SPECC1L: variants seen among roughly 807,000 people sequenced by gnomAD.
SPECC1L encodes the protein sperm antigen with calponin homology and coiled-coil domains 1 like.
SPECC1L carries 40 observed loss-of-function variants against 116.8 expected under a neutral mutation model. That is an observed-to-expected ratio of 0.34 (90% CI 0.27 to 0.45). SPECC1L has a LOEUF of 0.45. Ranked by LOEUF, SPECC1L falls within the 20% of genes least tolerant of loss-of-function variation. The pLI, the probability that SPECC1L is intolerant of heterozygous loss-of-function variation, is 1.00. For missense variants in SPECC1L, 1,110 were observed against 1,373.6 expected (o/e 0.81, Z 3.03); for synonymous variants, 504 against 500.6 (o/e 1.01, Z -0.09).
intron 3 of SPECC1L, among the ~76,000 whole-genome samples, chr22:24,307,750 G>A (rs999092815): frequency 6.6e-6 from 1 of 151,482 alleles, no homozygotes; most frequent in Non-Finnish European, 1.5e-5. Flanking sequence ...TGTTGCCCAG[G>A]CTTGTCTCAA....
At chr22:24,409,141 A>C (rs934298187) in intron 14 of SPECC1L, among the ~76,000 whole-genome samples, 1 of 152,260 alleles carries the variant, frequency 6.6e-6, no homozygotes, top group Admixed American at 6.5e-5. Context: ...GTACAGATAT[A>C]GTTAATAATA....
chr22:24,341,939 G>A (rs1158627488), intron 10 of SPECC1L, among the ~76,000 whole-genome samples: 2 of 152,150 alleles, frequency 1.3e-5, no homozygotes, highest in Admixed American at 6.5e-5. Flanking sequence ...TTCGATCCTC[G>A]AGATAACTGC....
intron 14 of SPECC1L, among the ~76,000 whole-genome samples, chr22:24,375,221 A>T (rs2041949054): frequency 6.6e-6 from 1 of 152,208 alleles, no homozygotes; most frequent in African/African-American, 2.4e-5. Flanking sequence ...GGACCAGATT[A>T]CTTTACTGGT....
intron 14 of SPECC1L, among the ~76,000 whole-genome samples, chr22:24,386,946 G>C (rs563205063): frequency 1.3e-5 from 2 of 152,094 alleles, no homozygotes; most frequent in Non-Finnish European, 2.9e-5. Context: ...ATAAATTATA[G>C]CCAGGCTTTG....
intron 11 of SPECC1L, among the ~76,000 whole-genome samples, chr22:24,350,982 T>A (rs1308415269): frequency 6.6e-6 from 1 of 152,192 alleles, no homozygotes; most frequent in Non-Finnish European, 1.5e-5. Context: ...CGCTCCATGT[T>A]CCAGGTGGCC....
At chr22:24,315,186 A>G (rs1437953549) in intron 4 of SPECC1L, among the ~76,000 whole-genome samples, 1 of 152,200 alleles carries the variant, frequency 6.6e-6, no homozygotes, top group Non-Finnish European at 1.5e-5. Flanking sequence ...AGGATTACCT[A>G]CTGTCTTCAT....
Position 24,386,985 on chromosome 22 carries a change from A to G in SPECC1L, c.3087+17665A>G, listed in dbSNP as rs113226461. On this transcript the variant is annotated intron_variant, in intron 14 of 16. Coordinates refer to ENST00000314328, the MANE Select transcript of SPECC1L (RefSeq NM_015330.6). ...TGTCTGCAGCAGATTAGACACAGAAAGCCTGATTTAAAAAGCTGATAACAC... is the reference window on the plus strand; with the variant it reads ...TGTCTGCAGCAGATTAGACACAGAAGGCCTGATTTAAAAAGCTGATAACAC... 8.8e-3 allele frequency among the ~76,000 whole-genome samples: 1,339 copies of G among 152,310 alleles called. 20 individuals carry two copies. The highest frequency in any genetic ancestry group is 0.031 in the African/African-American group (1,276 of 41,576).
chr22:24,305,018 G>A (rs2049462979), intron 3 of SPECC1L, among the ~76,000 whole-genome samples: 1 of 152,188 alleles, frequency 6.6e-6, no homozygotes, highest in Non-Finnish European at 1.5e-5. Flanking sequence ...ACTTACTGAT[G>A]GGGGGTGTTT....
intron 6 of SPECC1L, among the ~76,000 whole-genome samples, chr22:24,327,716 G>A (rs141046113): frequency 3.0e-3 from 459 of 152,038 alleles, no homozygotes; most frequent in Admixed American, 6.0e-3. Flanking sequence ...CCATTAGCTG[G>A]CACATTTATA....
chr22:24,414,861 T>C lies in SPECC1L; in HGVS notation c.*238T>C. 1.8e-6 allele frequency: 1 copy of C among 557,834 alleles called. No individual in the cohort carries two copies. The allele number at this position is 557,834 out of a possible 1,614,324, so 34.6% of individuals were successfully genotyped here. ...TCAGGTCATGTGGGCTCAGCACACATCCTGCAGGCCGGTGGCTGCTGGAGT... is the reference window on the plus strand; with the variant it reads ...TCAGGTCATGTGGGCTCAGCACACACCCTGCAGGCCGGTGGCTGCTGGAGT... On this transcript the variant is annotated 3_prime_UTR_variant, in exon 17 of 17. Transcript: ENST00000314328.
At chr22:24,318,417 A>G (rs1201908775) in intron 4 of SPECC1L, among the ~76,000 whole-genome samples, 1 of 152,176 alleles carries the variant, frequency 6.6e-6, no homozygotes, top group East Asian at 1.9e-4. Flanking sequence ...GGCACTCGGC[A>G]GGCTGAGGCA....
intron 3 of SPECC1L, 60 bp from the exon 4 acceptor site, chr22:24,313,253 C>T: frequency 6.3e-7 from 1 of 1,582,390 alleles, no homozygotes; most frequent in Non-Finnish European, 8.7e-7. Context: ...TTTGTTGAGT[C>T]TCAAAATATC....
Position 24,270,845 on chromosome 22 carries a change from C to A in SPECC1L, c.-280C>A, listed in dbSNP as rs994156457. 3.1e-4 allele frequency: 47 copies of A among 152,426 alleles called. 2 individuals are homozygous for A. The highest frequency in any genetic ancestry group is 7.2e-5 in the African/African-American group (3 of 41,464). 9.4% of individuals were successfully genotyped at this position (152,426 alleles called of 1,614,324 possible). On this transcript the variant is annotated 5_prime_UTR_variant, in exon 1 of 17. Transcript: ENST00000314328. ...CCAAGGGCGGGGCCCGCGAGGGAGG[C>A]CGGGCGGCCCGGCAAGCGGCGCTGC...
intron 2 of SPECC1L, among the ~76,000 whole-genome samples, chr22:24,286,332 A>G (rs181272523): frequency 6.6e-5 from 10 of 152,324 alleles, no homozygotes; most frequent in Admixed American, 6.5e-4. Flanking sequence ...GAAACATCAT[A>G]GTTATTTTAC....
chr22:24,277,320 A>G (rs1314614594), intron 2 of SPECC1L, among the ~76,000 whole-genome samples: 1 of 152,186 alleles, frequency 6.6e-6, no homozygotes, highest in East Asian at 1.9e-4. Context: ...ATTATTCCTC[A>G]TTATCCATGT....
In SPECC1L at chr22:24,369,303, A is replaced by G; in HGVS notation, c.3070A>G (p.Lys1024Glu). The part of the protein sequence containing the change: ...RNALLKWCQK[K>E]TEGYQNIDIT... ...CGCCTTGCTGAAGTGGTGTCAGAAG[A>G]AAACAGAAGGCTATCAGGTAATCAT... The change falls in exon 14 of 17, where the codon AAA becomes GAA. Residue 1024 changes from lysine (K) to glutamate (E), a missense_variant. Physicochemically the swap from Lys to Glu is moderately conservative, Grantham distance 56 (BLOSUM62 1). Transcript: ENST00000314328. The G allele has an allele frequency of 6.2e-7, 1 of 1,613,588 alleles. No homozygotes were observed. The highest frequency in any genetic ancestry group is 1.3e-5 in the African/African-American group (1 of 75,050).
Position 24,322,726 on chromosome 22 carries a change from G to C in SPECC1L, c.1746G>C (p.Gln582His), listed in dbSNP as rs1429108113. 6.3e-7 allele frequency: 1 copy of C among 1,587,408 alleles called. No individual in the cohort carries two copies. Among genetic ancestry groups the C allele is most frequent in the African/African-American group, 1.4e-5 (1 of 73,666 alleles). The change falls in exon 5 of 17, where the codon CAG becomes CAC. Residue 582 changes from glutamine (Q) to histidine (H), a missense_variant. By Grantham distance (24) the Gln-to-His change is conservative. Coordinates refer to ENST00000314328, the MANE Select transcript of SPECC1L (RefSeq NM_015330.6). ...TAGAGATGAATCGCCTGAAGGCTCA[G>C]CTGGAGAATGAAAAGCAGAAAGTGG... Reference protein sequence around the residue: ...DQIEMNRLKAQLENEKQKVAE... With the variant: ...DQIEMNRLKAHLENEKQKVAE...
At chr22:24,364,937 A>G (rs1210762363) in intron 12 of SPECC1L, among the ~76,000 whole-genome samples, 3 of 152,040 alleles carry the variant, frequency 2.0e-5, no homozygotes, top group Non-Finnish European at 4.4e-5. Context: ...GATAAGGCAC[A>G]CTCCTTGTCT....
chr22:24,333,071 A>G (rs889987490), intron 8 of SPECC1L, among the ~76,000 whole-genome samples: 1 of 152,176 alleles, frequency 6.6e-6, no homozygotes, highest in African/African-American at 2.4e-5. Flanking sequence ...TCTACTAAAA[A>G]TACAAAATTA....
Sources: allele counts gnomAD v4.1 joint callset (sites outside exome capture counted in the v4.1 genomes callset), GRCh38; gene constraint gnomAD v4.1.1; transcripts MANE v1.5; gene names NCBI Gene and HGNC (gene_info 2026-07-23, HGNC 2026-07-21).